DLGAP1: variants seen among roughly 807,000 people sequenced by gnomAD.
DLGAP1 encodes the protein disks large-associated protein 1.
Under a neutral mutation model 90.8 loss-of-function variants are expected in DLGAP1, and 11 were observed. That is an observed-to-expected ratio of 0.12 (90% CI 0.08 to 0.20). The LOEUF is 0.20. Among genes scored for constraint, DLGAP1 ranks in the 10% least tolerant of loss-of-function variants. The probability of loss-of-function intolerance (pLI) is 1.00; values close to 1 mark genes in which losing one functional copy is unlikely to be tolerated. For missense variants in DLGAP1, 1,050 were observed against 1,333.8 expected, an observed-to-expected ratio of 0.79 and a Z score of 3.31; for synonymous variants, 558 against 540.7, an observed-to-expected ratio of 1.03 and a Z score of -0.44.
chr18:4,219,456 G>A (rs185728239), intron 1 of DLGAP1, among the ~76,000 whole-genome samples: 5 of 151,926 alleles, frequency 3.3e-5, no homozygotes, highest in Non-Finnish European at 7.4e-5. Context: ...TGTTTCCTTT[G>A]CTCTGCAGAA....
At chr18:4,214,221 TG>T (rs2077904917) in intron 1 of DLGAP1, among the ~76,000 whole-genome samples, 1 of 151,182 alleles carries the variant, frequency 6.6e-6, no homozygotes, top group African/African-American at 2.4e-5. Context: ...TGAGGGAAAC[TG>T]AGGAACAGGA....
chr18:3,560,506 C>T (rs1441341248), intron 9 of DLGAP1, among the ~76,000 whole-genome samples: 1 of 143,876 alleles, frequency 7.0e-6, no homozygotes, highest in Non-Finnish European at 1.5e-5. Flanking sequence ...AGGAGAATTT[C>T]TTGAACCCGG....
At chr18:4,243,857 T>C (rs1476191922) in intron 1 of DLGAP1, among the ~76,000 whole-genome samples, 1 of 152,204 alleles carries the variant, frequency 6.6e-6, no homozygotes. Context: ...AGGTATACAA[T>C]GTCAAAATGG....
chr18:4,121,311 A>C (rs1034782443), intron 2 of DLGAP1, among the ~76,000 whole-genome samples: 1 of 152,294 alleles, frequency 6.6e-6, no homozygotes, highest in African/African-American at 2.4e-5. Context: ...TGTGGAAGTC[A>C]GGATGGGCAA....
At chr18:4,065,281 C>T (rs1488187300) in intron 2 of DLGAP1, among the ~76,000 whole-genome samples, 2 of 152,092 alleles carry the variant, frequency 1.3e-5, no homozygotes, top group African/African-American at 4.8e-5. Flanking sequence ...GACAAGGATG[C>T]CCTCTCTCAT....
intron 3 of DLGAP1, among the ~76,000 whole-genome samples, chr18:3,904,972 C>G (rs1442231741): frequency 6.6e-6 from 1 of 151,386 alleles, no homozygotes; most frequent in Non-Finnish European, 1.5e-5. Flanking sequence ...AAACCTTGGC[C>G]CTATTATTCA....
chr18:3,737,247 G>C (rs1305940547), intron 6 of DLGAP1, among the ~76,000 whole-genome samples: 1 of 152,118 alleles, frequency 6.6e-6, no homozygotes, highest in Non-Finnish European at 1.5e-5. Context: ...TAGAAAAAGA[G>C]GGAATCCTCC....
chr18:4,075,493 T>A (rs2075509842), intron 2 of DLGAP1, among the ~76,000 whole-genome samples: 1 of 152,220 alleles, frequency 6.6e-6, no homozygotes, highest in Non-Finnish European at 1.5e-5. Context: ...AAAGCACCCA[T>A]ATTTCCCTAC....
In DLGAP1 at chr18:4,270,782, G is replaced by A. The variant is rs1226128775; in HGVS notation, c.-266-119495C>T. ...TTACTTTCCAAAAGTAAAGTTCCAA[G>A]AACAACCTTTTATAGAACTGCAGTC... On this transcript the variant is annotated intron_variant, in intron 1 of 12. Transcript: ENST00000315677. 2.0e-5 allele frequency among the ~76,000 whole-genome samples: 3 copies of A among 152,088 alleles called. No homozygotes were observed. The East Asian group carries it at 5.8e-4, about 29-fold the overall frequency.
chr18:4,183,448 T>C (rs1296051933), intron 1 of DLGAP1, among the ~76,000 whole-genome samples: 1 of 152,188 alleles, frequency 6.6e-6, no homozygotes, highest in Admixed American at 6.6e-5. Flanking sequence ...TATATATGTC[T>C]ATCAAAAGTA....
intron 1 of DLGAP1, among the ~76,000 whole-genome samples, chr18:4,207,661 G>A (rs2077750059): frequency 6.6e-6 from 1 of 152,114 alleles, no homozygotes; most frequent in Admixed American, 6.6e-5. Flanking sequence ...GCAGCCTTGG[G>A]AGAGGCCAAA....
intron 8 of DLGAP1, among the ~76,000 whole-genome samples, chr18:3,576,846 G>A (rs1257853263): frequency 5.4e-5 from 8 of 148,642 alleles, no homozygotes; most frequent in African/African-American, 2.0e-4. Flanking sequence ...GATTACAGGC[G>A]TGAGCCACTA....
intron 1 of DLGAP1, among the ~76,000 whole-genome samples, chr18:4,163,186 G>A (rs2144522698): frequency 6.6e-6 from 1 of 152,244 alleles, no homozygotes; most frequent in East Asian, 1.9e-4. Context: ...GGGCTGAATT[G>A]CTGGACATAT....
intron 7 of DLGAP1, among the ~76,000 whole-genome samples, chr18:3,602,361 C>G (rs1316679733): frequency 6.6e-6 from 1 of 152,006 alleles, no homozygotes; most frequent in Non-Finnish European, 1.5e-5. Context: ...TTTGGGAGGC[C>G]GAGGCGGGCG....
At chr18:3,866,345 G>A (rs1312056187) in intron 4 of DLGAP1, among the ~76,000 whole-genome samples, 1 of 152,052 alleles carries the variant, frequency 6.6e-6, no homozygotes, top group Non-Finnish European at 1.5e-5. Context: ...ATTAAGAGTG[G>A]GCTTATTAAG....
chr18:4,333,305 A>C (rs187889213), intron 1 of DLGAP1, among the ~76,000 whole-genome samples: 363 of 151,998 alleles, frequency 2.4e-3, no homozygotes, highest in Non-Finnish European at 3.7e-3. Context: ...CACTGTGTTC[A>C]AGATCTAGCA....
intron 9 of DLGAP1, among the ~76,000 whole-genome samples, chr18:3,552,910 T>C (rs994695811): frequency 6.6e-6 from 1 of 152,212 alleles, no homozygotes; most frequent in Non-Finnish European, 1.5e-5. Flanking sequence ...CTTTCTCTGG[T>C]CTGCCAAATC....
At chr18:4,124,864 C>T (rs2076208321) in intron 2 of DLGAP1, among the ~76,000 whole-genome samples, 3 of 152,140 alleles carry the variant, frequency 2.0e-5, no homozygotes, top group Admixed American at 2.0e-4. Context: ...GGATTTTAGC[C>T]ATTGTTACCA....
intron 5 of DLGAP1, among the ~76,000 whole-genome samples, chr18:3,758,813 T>G (rs1232663175): frequency 2.0e-5 from 3 of 152,220 alleles, no homozygotes; most frequent in African/African-American, 7.2e-5. Flanking sequence ...ACTTTCTTCC[T>G]TTGTTCCAGA....
Sources: gnomAD v4.1 joint callset for allele counts (sites outside exome capture counted in the v4.1 genomes callset) on GRCh38, gnomAD v4.1.1 for gene constraint, MANE v1.5 for transcripts, NCBI Gene and HGNC (gene_info 2026-07-23, HGNC 2026-07-21) for gene names.